The following PTPRO variants were observed in gnomAD, a reference collection of about 807,000 sequenced individuals.
PTPRO encodes the protein protein tyrosine phosphatase receptor type O.
In PTPRO, 62 loss-of-function variants were observed where a neutral mutation model predicts 145.2. The observed-to-expected ratio is 0.43, with a 90% confidence interval of 0.35 to 0.53. The LOEUF is 0.53. Among genes scored for constraint, PTPRO ranks in the 20% least tolerant of loss-of-function variants. PTPRO has a pLI of 0.01. For missense variants in PTPRO, 1,345 were observed against 1,482.7 expected (o/e 0.91, Z 1.53); for synonymous variants, 565 against 514.7 (o/e 1.10, Z -1.32).
At chr12:15,439,805 G>T in intron 1 of PTPRO, 1 of 610,784 alleles carries the variant, frequency 1.6e-6, no homozygotes, top group Non-Finnish European at 3.0e-6. Flanking sequence ...AGATATCATT[G>T]ACTTTTTCTT....
At chr12:15,568,758 GC>G (rs1943966813) in intron 18 of PTPRO, among the ~76,000 whole-genome samples, 1 of 152,162 alleles carries the variant, frequency 6.6e-6, no homozygotes, top group Non-Finnish European at 1.5e-5. Flanking sequence ...GAACCTCTGA[GC>G]CATTTCCATA....
intron 26 of PTPRO, chr12:15,595,341 C>A: frequency 2.5e-6 from 1 of 392,614 alleles, no homozygotes; most frequent in South Asian, 2.3e-5. Flanking sequence ...CTAAATTATT[C>A]TGTTATTGGA....
chr12:15,423,369 A>G (rs916786433), intron 1 of PTPRO, among the ~76,000 whole-genome samples: 8 of 152,222 alleles, frequency 5.3e-5, no homozygotes, highest in Admixed American at 1.3e-4. Flanking sequence ...TTAAGATGGA[A>G]GAAATAAACT....
At chr12:15,402,422 T>G (rs1591778981) in intron 1 of PTPRO, among the ~76,000 whole-genome samples, 1 of 151,820 alleles carries the variant, frequency 6.6e-6, no homozygotes, top group East Asian at 1.9e-4. Flanking sequence ...TAGGAATTCC[T>G]CCTCAAGGTA....
chr12:15,563,316 C>CACAT (rs3085532), intron 17 of PTPRO, among the ~76,000 whole-genome samples: 44,401 of 151,802 alleles, frequency 0.29, 7,058 homozygotes, highest in Middle Eastern at 0.47. Flanking sequence ...GTAACATGTG[C>CACAT]ACATATTGGC....
rs76745598 is a variant in PTPRO, at chr12:15,570,232, C to T, written c.2829+734C>T. On this transcript the variant is annotated intron_variant, in intron 19 of 26. Transcript: ENST00000281171. Reference sequence around the variant, plus strand: ...ATAGCTCATAACACAGTCTAAATGGCCCCCCATCCTTCAGGTTTCTATAGC... The same window carrying T: ...ATAGCTCATAACACAGTCTAAATGGTCCCCCATCCTTCAGGTTTCTATAGC... Among the ~76,000 whole-genome samples, 206 of 152,102 alleles carry T rather than the reference C, an allele frequency of 1.4e-3. 2 individuals carry two copies. In the East Asian group the frequency reaches 0.037, roughly 27 times the overall value.
At chr12:15,428,576 A>AT (rs1224347685) in intron 1 of PTPRO, among the ~76,000 whole-genome samples, 5 of 152,154 alleles carry the variant, frequency 3.3e-5, no homozygotes, top group East Asian at 1.9e-4. Flanking sequence ...ATAAAAAAGG[A>AT]TTTTTTTATA....
chr12:15,515,004 A>G (rs1942546508), intron 7 of PTPRO, among the ~76,000 whole-genome samples: 2 of 151,232 alleles, frequency 1.3e-5, no homozygotes, highest in South Asian at 4.2e-4. Context: ...ACTTCAAATG[A>G]TCTGCCTGCC....
At chr12:15,469,273 GA>G (rs1438622129) in intron 1 of PTPRO, among the ~76,000 whole-genome samples, 3 of 152,216 alleles carry the variant, frequency 2.0e-5, no homozygotes, top group Non-Finnish European at 4.4e-5. Context: ...GCATGGAAAA[GA>G]AGGATGGAAA....
Position 15,597,957 on chromosome 12 carries a change from A to G in PTPRO, c.*1884A>G, listed in dbSNP as rs376820262. ...AACCTTGGAAGAGCTGATACAATGT[A>G]TGGTAAGCTGAAGTACGTTTCCAAC... On this transcript the variant is annotated 3_prime_UTR_variant, in exon 27 of 27. Coordinates refer to ENST00000281171, the MANE Select transcript of PTPRO (RefSeq NM_030667.3). Among the ~76,000 whole-genome samples the G allele has an allele frequency of 1.3e-5, 2 of 152,362 alleles. No homozygotes were observed. The highest frequency in any genetic ancestry group is 4.8e-5 in the African/African-American group (2 of 41,596).
chr12:15,512,217 C>G (rs924968563), intron 7 of PTPRO, among the ~76,000 whole-genome samples: 1 of 152,062 alleles, frequency 6.6e-6, no homozygotes, highest in African/African-American at 2.4e-5. Context: ...CAGTTTCAAG[C>G]GATTCTGTTG....
In PTPRO at chr12:15,515,394, G is replaced by C. The variant is rs1942555398; in HGVS notation, c.1465-104G>C. On this transcript the variant is annotated intron_variant, in intron 7 of 26. Coordinates refer to ENST00000281171, the MANE Select transcript of PTPRO (RefSeq NM_030667.3). ...TCAGTAAAGCCTTCTGGATTTCAAAGTCATCTGTGATTCCAAAAAGAGTCT... is the reference window on the plus strand; with the variant it reads ...TCAGTAAAGCCTTCTGGATTTCAAACTCATCTGTGATTCCAAAAAGAGTCT... 6 of 1,468,270 alleles carry C rather than the reference G, an allele frequency of 4.1e-6. No homozygotes were observed. The South Asian group carries it at 7.0e-5, about 17-fold the overall frequency. The allele number at this position is 1,468,270 out of a possible 1,614,324, so 91.0% of individuals were successfully genotyped here.
At chr12:15,509,817 GT>G (rs775097757) in intron 7 of PTPRO, among the ~76,000 whole-genome samples, 7 of 152,176 alleles carry the variant, frequency 4.6e-5, no homozygotes, top group Non-Finnish European at 8.8e-5. Context: ...GGCAGAGACG[GT>G]GTGCAACTCA....
chr12:15,340,354 A>T (rs1866933543), intron 1 of PTPRO, among the ~76,000 whole-genome samples: 1 of 152,136 alleles, frequency 6.6e-6, no homozygotes. Context: ...TACTACGGAA[A>T]TATCTCGAGA....
At chr12:15,425,010 AG>A (rs1814990214) in intron 1 of PTPRO, among the ~76,000 whole-genome samples, 1 of 152,134 alleles carries the variant, frequency 6.6e-6, no homozygotes, top group Non-Finnish European at 1.5e-5. Flanking sequence ...CGATGGTCAG[AG>A]ACTACAGTCA....
At chr12:15,593,076 T>A (rs1420271129) in intron 25 of PTPRO, among the ~76,000 whole-genome samples, 2 of 152,222 alleles carry the variant, frequency 1.3e-5, no homozygotes, top group Admixed American at 6.5e-5. Flanking sequence ...ATCTCTGGTC[T>A]TATCTATTCC....
In PTPRO at chr12:15,353,314, A is replaced by G. The variant is rs549751720; in HGVS notation, c.75+30513A>G. ...TAAAAAGATGAACTTGTTTTTCAAC[A>G]TATCATCAAGTTCAAGACACTTATT... On this transcript the variant is annotated intron_variant, in intron 1 of 26. Coordinates refer to ENST00000281171, the MANE Select transcript of PTPRO (RefSeq NM_030667.3). 3.3e-5 allele frequency among the ~76,000 whole-genome samples: 5 copies of G among 152,326 alleles called. No homozygotes were observed. In the South Asian group the frequency reaches 1.0e-3, roughly 32 times the overall value.
intron 23 of PTPRO, among the ~76,000 whole-genome samples, chr12:15,586,446 T>G (rs1944431849): frequency 6.6e-6 from 1 of 152,202 alleles, no homozygotes; most frequent in Non-Finnish European, 1.5e-5. Context: ...TTAGGCATTT[T>G]CTATCGAGGC....
chr12:15,552,243 T>C (rs2135563260), intron 15 of PTPRO, among the ~76,000 whole-genome samples: 1 of 152,340 alleles, frequency 6.6e-6, no homozygotes, highest in East Asian at 1.9e-4. Context: ...CCCTGTTCCT[T>C]TGACCACTGA....
Sources: gnomAD v4.1 joint callset for allele counts (sites outside exome capture counted in the v4.1 genomes callset) on GRCh38, gnomAD v4.1.1 for gene constraint, MANE v1.5 for transcripts, NCBI Gene and HGNC (gene_info 2026-07-23, HGNC 2026-07-21) for gene names.